NEXMIF: variants seen among roughly 807,000 people sequenced by gnomAD.
NEXMIF encodes the protein neurite extension and migration factor, also known as XLMR protein related to neurite extension.
A neutral mutation model predicts 62.1 loss-of-function variants in NEXMIF; 8 were observed. That is an observed-to-expected ratio of 0.13 (90% CI 0.08 to 0.23). NEXMIF has a LOEUF of 0.23. NEXMIF is among the 10% of genes least tolerant of loss of function. The pLI is 1.00. For synonymous variants in NEXMIF, 404 were observed against 416.6 expected, an observed-to-expected ratio of 0.97 and a Z score of 0.37; for missense variants, 976 against 1,113.3, an observed-to-expected ratio of 0.88 and a Z score of 1.75.
At chrX:74,781,580 G>A (rs1176273402) in intron 1 of NEXMIF, among the ~76,000 whole-genome samples, 3 of 110,574 alleles carry the variant, frequency 2.7e-5, no homozygotes, top group Admixed American at 9.6e-5. Context: ...GCTCAGTTTC[G>A]TGGAGGCCAG....
At chrX:74,918,295 G>A (rs2080814643) in intron 1 of NEXMIF, among the ~76,000 whole-genome samples, 1 of 112,078 alleles carries the variant, frequency 8.9e-6, no homozygotes, top group African/African-American at 3.2e-5. Context: ...GCCAAGGTTA[G>A]GGACTATTGG....
chrX:74,839,416 T>A (rs2080467082), intron 1 of NEXMIF, among the ~76,000 whole-genome samples: 1 of 112,266 alleles, frequency 8.9e-6, no homozygotes, highest in South Asian at 3.7e-4. Context: ...TTGGGATTTT[T>A]AAAAACTTTT....
chrX:74,837,844 A>G (rs1316952399), intron 1 of NEXMIF, among the ~76,000 whole-genome samples: 1 of 111,751 alleles, frequency 8.9e-6, no homozygotes, highest in African/African-American at 3.3e-5. Context: ...AGAATAAATC[A>G]GGCATCAAAA....
At chrX:74,913,230 TAGAA>T (rs1342819186) in intron 1 of NEXMIF, among the ~76,000 whole-genome samples, 1 of 111,484 alleles carries the variant, frequency 9.0e-6, no homozygotes, top group African/African-American at 3.3e-5. Flanking sequence ...AAACGAAAAA[TAGAA>T]AGTCTCATAA....
rs368514015 is a variant in NEXMIF, at chrX:74,793,033, T to G, written c.-47-47336A>C. Among the ~76,000 whole-genome samples the G allele has an allele frequency of 9.2e-5, 10 of 109,020 alleles. No homozygotes were observed. The East Asian group carries it at 2.3e-3, about 25-fold the overall frequency. The allele number at this position is 109,020 out of a possible 115,157, so 94.7% of individuals were successfully genotyped here. ...TCCTGTCATTATGATGTTAGCTGGTTATTTTGCTCGTTAGTTGATGCAGTT... is the reference window on the plus strand; with the variant it reads ...TCCTGTCATTATGATGTTAGCTGGTGATTTTGCTCGTTAGTTGATGCAGTT... On this transcript the variant is annotated intron_variant, in intron 1 of 3. Transcript: ENST00000055682.
rs1288427099 is a variant in NEXMIF, at chrX:74,738,674, C to G, written c.*731G>C. 1 of 111,006 alleles carries G rather than the reference C, an allele frequency of 9.0e-6. No homozygotes were observed. Among genetic ancestry groups the G allele is most frequent in the South Asian group, 3.8e-4 (1 of 2,631 alleles). 9.1% of individuals were successfully genotyped at this position (111,006 alleles called of 1,213,427 possible). ...GTAAAACGTTCTGTAAATGCATATACTTGGGTCCCTGATGGACTTAGCTGT... is the reference window on the plus strand; with the variant it reads ...GTAAAACGTTCTGTAAATGCATATAGTTGGGTCCCTGATGGACTTAGCTGT... On this transcript the variant is annotated 3_prime_UTR_variant, in exon 4 of 4. Transcript: ENST00000055682.
chrX:74,895,754 G>A (rs2080730881), intron 1 of NEXMIF, among the ~76,000 whole-genome samples: 2 of 107,455 alleles, frequency 1.9e-5, no homozygotes, highest in Non-Finnish European at 3.8e-5. Context: ...AAGTCATGAA[G>A]ACAGAGAGTA....
chrX:74,873,688 T>C (rs2147506154), intron 1 of NEXMIF, among the ~76,000 whole-genome samples: 1 of 112,162 alleles, frequency 8.9e-6, no homozygotes, highest in African/African-American at 3.2e-5. Flanking sequence ...CCATTCTAAC[T>C]GGTGTGAGAT....
At chrX:74,782,507 C>T (rs2080249941) in intron 1 of NEXMIF, among the ~76,000 whole-genome samples, 1 of 110,532 alleles carries the variant, frequency 9.0e-6, no homozygotes, top group Admixed American at 9.7e-5. Context: ...ACAGACCCTT[C>T]CTTCATATAA....
At chrX:74,881,123 C>T (rs949743946) in intron 1 of NEXMIF, among the ~76,000 whole-genome samples, 1 of 111,043 alleles carries the variant, frequency 9.0e-6, no homozygotes, top group Non-Finnish European at 1.9e-5. Context: ...AGAATTGAGG[C>T]CTATAAAGTT....
intron 1 of NEXMIF, among the ~76,000 whole-genome samples, chrX:74,839,299 T>A (rs1205859173): frequency 8.9e-6 from 1 of 112,087 alleles, no homozygotes; most frequent in Non-Finnish European, 1.9e-5. Context: ...TGACATTTGG[T>A]CCTTTCCTAG....
chrX:74,809,488 T>C (rs2080354498), intron 1 of NEXMIF, among the ~76,000 whole-genome samples: 1 of 111,552 alleles, frequency 9.0e-6, no homozygotes, highest in Non-Finnish European at 1.9e-5. Context: ...TGTGTTTCTT[T>C]ATTCATTTAC....
intron 1 of NEXMIF, among the ~76,000 whole-genome samples, chrX:74,878,213 G>T (rs760264714): frequency 9.0e-6 from 1 of 111,193 alleles, no homozygotes; most frequent in East Asian, 2.8e-4. Flanking sequence ...TAACAGACGG[G>T]ACCCTCAGCT....
intron 1 of NEXMIF, among the ~76,000 whole-genome samples, chrX:74,853,164 GAAGA>G (rs1444088184): frequency 5.5e-5 from 6 of 109,989 alleles, no homozygotes; most frequent in African/African-American, 2.0e-4. Flanking sequence ...AATAGAAAAA[GAAGA>G]AAGAGAAAAA....
intron 1 of NEXMIF, among the ~76,000 whole-genome samples, chrX:74,871,664 A>G (rs777039770): frequency 6.1e-4 from 68 of 111,261 alleles, no homozygotes; most frequent in Non-Finnish European, 1.0e-3. Context: ...ATGCTGGGAA[A>G]ATAATTCAGC....
intron 1 of NEXMIF, among the ~76,000 whole-genome samples, chrX:74,885,140 C>G (rs2080685735): frequency 9.1e-6 from 1 of 110,243 alleles, no homozygotes; most frequent in South Asian, 4.1e-4. Flanking sequence ...GGGACACATT[C>G]AAAGCAGTGT....
At chrX:74,924,324 G>C (rs1339534703) in intron 1 of NEXMIF, among the ~76,000 whole-genome samples, 2 of 112,163 alleles carry the variant, frequency 1.8e-5, no homozygotes, top group Non-Finnish European at 3.8e-5. Flanking sequence ...AGCTGGGCGA[G>C]GCTCGGTCTG....
rs988628520 is a variant in NEXMIF at position 74,735,355 on chromosome X, C to G, written c.*4050G>C. ...TCTGTAAGCTGAAGACATGTTGGAT[C>G]TACATCACACTGGTCCAGCTTGGTA... On this transcript the variant is annotated 3_prime_UTR_variant, in exon 4 of 4. Coordinates refer to ENST00000055682, the MANE Select transcript of NEXMIF (RefSeq NM_001008537.3). The G allele has an allele frequency of 1.8e-5, 2 of 111,761 alleles. No individual in the cohort carries two copies. The highest frequency in any genetic ancestry group is 6.5e-5 in the African/African-American group (2 of 30,768). 9.2% of individuals were successfully genotyped at this position (111,761 alleles called of 1,213,427 possible).
Position 74,742,478 on chromosome X carries a change from G to A in NEXMIF, c.2079C>T (p.Asp693=), listed in dbSNP as rs2080109529. 8.3e-7 allele frequency: 1 copy of A among 1,209,853 alleles called. No individual in the cohort carries two copies. Among genetic ancestry groups the A allele is most frequent in the South Asian group, 1.8e-5 (1 of 56,945 alleles). ...CTTTCACTGAGTCAGGGCCTGTGAT[G>A]TCATTTAAATGTGATCCATTTGCAC... ...PSCANGSHLN[D]ITGPDSVKVK... is the part of the protein sequence containing the mutation. The change falls in exon 3 of 4, where the codon GAC becomes GAT. Residue 693 remains aspartate (D), a synonymous_variant. Transcript: ENST00000055682.
Sources: allele counts gnomAD v4.1 joint callset (sites outside exome capture counted in the v4.1 genomes callset), GRCh38; gene constraint gnomAD v4.1.1; transcripts MANE v1.5; gene names NCBI Gene and HGNC (gene_info 2026-07-23, HGNC 2026-07-21).